RABGAP1L: variants seen among roughly 807,000 people sequenced by gnomAD.
RABGAP1L encodes rab GTPase-activating protein 1-like.
Under a neutral mutation model 137.7 loss-of-function variants are expected in RABGAP1L, and 63 were observed. The observed-to-expected ratio is 0.46, with a 90% CI of 0.37 to 0.56. The LOEUF (loss-of-function observed/expected upper bound fraction) is 0.56, where lower values mean the gene tolerates loss of function less well. Among genes scored for constraint, RABGAP1L ranks in the 20% least tolerant of loss-of-function variants. The pLI is 0.00. For synonymous variants in RABGAP1L, 431 were observed against 433.7 expected (o/e 0.99, Z 0.08); for missense variants, 1,095 against 1,244.0 (o/e 0.88, Z 1.80).
At chr1:174,924,479 G>A (rs1403297845) in intron 19 of RABGAP1L, among the ~76,000 whole-genome samples, 2 of 151,876 alleles carry the variant, frequency 1.3e-5, no homozygotes, top group Admixed American at 6.6e-5. Context: ...TCAGAAGGGA[G>A]GACTTCATGA....
intron 14 of RABGAP1L, among the ~76,000 whole-genome samples, chr1:174,662,575 G>A (rs2148423796): frequency 6.6e-6 from 1 of 152,030 alleles, no homozygotes; most frequent in East Asian, 1.9e-4. Flanking sequence ...TGTATTTTTA[G>A]TAGAGATGGG....
intron 18 of RABGAP1L, among the ~76,000 whole-genome samples, chr1:174,789,371 AG>A (rs1213419297): frequency 6.6e-6 from 1 of 152,218 alleles, no homozygotes; most frequent in African/African-American, 2.4e-5. Context: ...ACATGGGTTC[AG>A]GGGATTAAAA....
intron 13 of RABGAP1L, among the ~76,000 whole-genome samples, chr1:174,418,584 G>A (rs1341711022): frequency 6.6e-6 from 1 of 152,208 alleles, no homozygotes; most frequent in Non-Finnish European, 1.5e-5. Flanking sequence ...TCTTACCTTA[G>A]TAATCTTAAT....
chr1:174,549,127 T>A (rs1042786549), intron 13 of RABGAP1L, among the ~76,000 whole-genome samples: 1 of 152,168 alleles, frequency 6.6e-6, no homozygotes, highest in Non-Finnish European at 1.5e-5. Context: ...ATAGGTTATA[T>A]CCTACTCAAA....
chr1:174,794,689 T>C (rs962474333), intron 18 of RABGAP1L, among the ~76,000 whole-genome samples: 1 of 152,182 alleles, frequency 6.6e-6, no homozygotes, highest in Non-Finnish European at 1.5e-5. Context: ...ATCCCAGTAG[T>C]ATAAACCCAC....
At chr1:174,177,879 T>G (rs1666019244) in intron 1 of RABGAP1L, among the ~76,000 whole-genome samples, 2 of 152,242 alleles carry the variant, frequency 1.3e-5, no homozygotes, top group South Asian at 4.1e-4. Flanking sequence ...TTTTGGTTAC[T>G]GTAGCCTTGT....
At chr1:174,797,173 T>C (rs954181332) in intron 18 of RABGAP1L, among the ~76,000 whole-genome samples, 3 of 152,168 alleles carry the variant, frequency 2.0e-5, no homozygotes, top group Non-Finnish European at 2.9e-5. Context: ...TTCTGGTTTA[T>C]GTAAGAAAAA....
chr1:174,498,734 C>T (rs1194963311), intron 13 of RABGAP1L, among the ~76,000 whole-genome samples: 3 of 149,094 alleles, frequency 2.0e-5, no homozygotes, highest in African/African-American at 7.4e-5. Flanking sequence ...TGGTCTTGAA[C>T]TCGCGACCTC....
At position 174,636,621 on chromosome 1, in the gene RABGAP1L, T is replaced by C. The variant is rs147456230; in HGVS notation, c.1711-754T>C. Among the ~76,000 whole-genome samples, 104 of 152,250 alleles carry C rather than the reference T, an allele frequency of 6.8e-4. 1 individual carries two copies. The highest frequency in any genetic ancestry group is 3.4e-3 in the Middle Eastern group (1 of 294). On this transcript the variant is annotated intron_variant, in intron 13 of 25. Coordinates refer to ENST00000681986, the MANE Select transcript of RABGAP1L (RefSeq NM_001366446.1). ...GTTGGGTAATTAACCTGGGAAAGAT[T>C]GACAGTATTTTTACTTTTTAAATGA... is the stretch of plus-strand genomic sequence containing the variant.
chr1:174,357,852 A>G (rs947730187), intron 11 of RABGAP1L, among the ~76,000 whole-genome samples: 4 of 152,234 alleles, frequency 2.6e-5, no homozygotes, highest in Non-Finnish European at 5.9e-5. Flanking sequence ...TTAAATGATA[A>G]TGGCTTATGA....
intron 7 of RABGAP1L, among the ~76,000 whole-genome samples, chr1:174,270,482 T>C (rs192041333): frequency 8.5e-5 from 13 of 152,214 alleles, no homozygotes; most frequent in Admixed American, 8.5e-4. Context: ...AGATTACCTA[T>C]TGGTTACAAT....
intron 17 of RABGAP1L, among the ~76,000 whole-genome samples, chr1:174,710,053 G>A (rs886483986): frequency 6.6e-6 from 1 of 152,206 alleles, no homozygotes; most frequent in South Asian, 2.1e-4. Context: ...TCAAGTGGAA[G>A]AAAGGATATC....
At chr1:174,659,237 A>C (rs1388349846) in intron 14 of RABGAP1L, among the ~76,000 whole-genome samples, 1 of 56,238 alleles carries the variant, frequency 1.8e-5, no homozygotes, top group Admixed American at 1.6e-4. Context: ...TTACTTTACC[A>C]AAAAAAAAAA....
chr1:174,673,815 A>C (rs1478095280), intron 14 of RABGAP1L, among the ~76,000 whole-genome samples: 1 of 152,196 alleles, frequency 6.6e-6, no homozygotes. Context: ...GAAGTCTGAA[A>C]GGCTGAATAT....
intron 14 of RABGAP1L, among the ~76,000 whole-genome samples, chr1:174,642,771 C>T (rs1402598385): frequency 7.7e-6 from 1 of 129,162 alleles, no homozygotes; most frequent in East Asian, 2.3e-4. Flanking sequence ...CTCTCTCCCT[C>T]TCCCCCTCTC....
chr1:174,248,420 T>A (rs12566643), intron 5 of RABGAP1L, among the ~76,000 whole-genome samples: 25,278 of 152,178 alleles, frequency 0.17, 2,651 homozygotes, highest in African/African-American at 0.29. Flanking sequence ...GCTGCTTTTT[T>A]AATTTTTACT....
intron 10 of RABGAP1L, among the ~76,000 whole-genome samples, chr1:174,281,276 A>G (rs1195878712): frequency 1.3e-5 from 2 of 151,726 alleles, no homozygotes; most frequent in Non-Finnish European, 2.9e-5. Flanking sequence ...GGTCCATTTT[A>G]CAGAGCACTG....
At chr1:174,209,922 A>G (rs1296605174) in intron 1 of RABGAP1L, among the ~76,000 whole-genome samples, 2 of 152,172 alleles carry the variant, frequency 1.3e-5, no homozygotes, top group Non-Finnish European at 2.9e-5. Context: ...TTGGTTTGAG[A>G]GAAAGTAAGT....
At chr1:174,318,511 A>T (rs1383437661) in intron 11 of RABGAP1L, among the ~76,000 whole-genome samples, 2 of 151,976 alleles carry the variant, frequency 1.3e-5, no homozygotes, top group African/African-American at 4.8e-5. Flanking sequence ...TTTGATTGAA[A>T]TACTCAATCC....
Sources: gnomAD v4.1 joint callset for allele counts (sites outside exome capture counted in the v4.1 genomes callset) on GRCh38, gnomAD v4.1.1 for gene constraint, MANE v1.5 for transcripts, NCBI Gene and HGNC (gene_info 2026-07-23, HGNC 2026-07-21) for gene names.